KCND2: variants seen among roughly 807,000 people sequenced by gnomAD.
KCND2 encodes the protein A-type voltage-gated potassium channel KCND2.
Under a neutral mutation model 54.4 loss-of-function variants are expected in KCND2, and 16 were observed. The ratio of observed to expected loss-of-function variants is 0.29; its 90% CI spans 0.20 to 0.45. The LOEUF (loss-of-function observed/expected upper bound fraction) is 0.45, where lower values mean the gene tolerates loss of function less well. Ranked by LOEUF, KCND2 falls within the 20% of genes least tolerant of loss-of-function variation. The probability of loss-of-function intolerance (pLI) is 1.00; values close to 1 mark genes in which losing one functional copy is unlikely to be tolerated. For synonymous variants in KCND2, 317 were observed against 310.7 expected (o/e 1.02, Z -0.21); for missense variants, 486 against 824.2 (o/e 0.59, Z 5.02).
chr7:120,660,068 T>C (rs1426836990), intron 1 of KCND2, among the ~76,000 whole-genome samples: 1 of 152,202 alleles, frequency 6.6e-6, no homozygotes. Context: ...ATGGTTAATA[T>C]ATTTGTTACA....
intron 1 of KCND2, among the ~76,000 whole-genome samples, chr7:120,404,195 G>T (rs1213121225): frequency 6.6e-6 from 1 of 152,104 alleles, no homozygotes; most frequent in African/African-American, 2.4e-5. Context: ...CTGTCAGCCA[G>T]GAATGAGTCA....
intron 1 of KCND2, among the ~76,000 whole-genome samples, chr7:120,626,044 A>G (rs1340654898): frequency 6.6e-6 from 1 of 152,134 alleles, no homozygotes; most frequent in African/African-American, 2.4e-5. Flanking sequence ...TTATTCTAAG[A>G]ACATTTATAC....
At chr7:120,465,621 A>G (rs145178919) in intron 1 of KCND2, among the ~76,000 whole-genome samples, 3 of 152,276 alleles carry the variant, frequency 2.0e-5, no homozygotes, top group South Asian at 2.1e-4. Flanking sequence ...GCATGTGTTC[A>G]GTTTGAGGTG....
chr7:120,345,278 C>T (rs949253670), intron 1 of KCND2, among the ~76,000 whole-genome samples: 1 of 152,062 alleles, frequency 6.6e-6, no homozygotes, highest in Admixed American at 6.6e-5. Context: ...CCTTCAACTC[C>T]GTTTGAATGT....
chr7:120,643,340 T>C (rs555578929), intron 1 of KCND2, among the ~76,000 whole-genome samples: 37 of 152,318 alleles, frequency 2.4e-4, no homozygotes, highest in African/African-American at 8.9e-4. Context: ...ATATTCTAAT[T>C]TGTGAAGTTA....
chr7:120,641,873 A>C (rs976996659), intron 1 of KCND2, among the ~76,000 whole-genome samples: 3 of 152,002 alleles, frequency 2.0e-5, no homozygotes, highest in Non-Finnish European at 2.9e-5. Flanking sequence ...AAAAAGAAGA[A>C]AAGCACAGCG....
At chr7:120,418,795 G>A (rs73722601) in intron 1 of KCND2, among the ~76,000 whole-genome samples, 3,139 of 152,154 alleles carry the variant, frequency 0.021, 118 homozygotes, top group African/African-American at 0.071. Flanking sequence ...GCCCTCATCC[G>A]TACCCCACTC....
chr7:120,547,145 C>T (rs1792051153), intron 1 of KCND2, among the ~76,000 whole-genome samples: 1 of 151,574 alleles, frequency 6.6e-6, no homozygotes, highest in South Asian at 2.1e-4. Context: ...TACCTGATTG[C>T]TCTGTAATTG....
At chr7:120,669,680 G>A (rs941991633) in intron 1 of KCND2, among the ~76,000 whole-genome samples, 4 of 152,086 alleles carry the variant, frequency 2.6e-5, no homozygotes, top group Non-Finnish European at 5.9e-5. Context: ...AACTGCCTGA[G>A]GCAATGTCAT....
intron 1 of KCND2, among the ~76,000 whole-genome samples, chr7:120,430,230 T>A (rs185249532): frequency 4.0e-4 from 61 of 152,320 alleles, no homozygotes; most frequent in Non-Finnish European, 5.6e-4. Flanking sequence ...GACTTCTCCC[T>A]GTGTCCTCAC....
intron 1 of KCND2, among the ~76,000 whole-genome samples, chr7:120,311,376 C>T (rs1799733745): frequency 6.6e-6 from 1 of 152,120 alleles, no homozygotes; most frequent in Admixed American, 6.6e-5. Context: ...TTTGCCAACA[C>T]TTTTCATTAC....
At chr7:120,362,853 A>G (rs1009901155) in intron 1 of KCND2, among the ~76,000 whole-genome samples, 1 of 152,022 alleles carries the variant, frequency 6.6e-6, no homozygotes, top group Non-Finnish European at 1.5e-5. Context: ...TCCGTTGACC[A>G]CCTCTATAGG....
At chr7:120,418,638 C>G (rs769404614) in intron 1 of KCND2, among the ~76,000 whole-genome samples, 2 of 152,056 alleles carry the variant, frequency 1.3e-5, no homozygotes, top group African/African-American at 4.8e-5. Context: ...TTTATTAGTT[C>G]CCAGGTGGTG....
intron 1 of KCND2, among the ~76,000 whole-genome samples, chr7:120,678,043 A>T (rs1027932017): frequency 1.3e-5 from 2 of 151,962 alleles, no homozygotes; most frequent in African/African-American, 4.8e-5. Context: ...AGTGGAATAG[A>T]TGGCTTTTAT....
chr7:120,282,009 C>T (rs1008098281), intron 1 of KCND2, among the ~76,000 whole-genome samples: 6 of 152,140 alleles, frequency 3.9e-5, no homozygotes, highest in Non-Finnish European at 7.4e-5. Flanking sequence ...TAACTAACTA[C>T]TCTGCAAAGG....
chr7:120,651,148 G>C (rs1406709588), intron 1 of KCND2, among the ~76,000 whole-genome samples: 3 of 143,406 alleles, frequency 2.1e-5, no homozygotes, highest in Admixed American at 2.0e-4. Context: ...AAAGCTGTCA[G>C]ACAGGGACAT....
chr7:120,382,871 G>A (rs1419905801), intron 1 of KCND2, among the ~76,000 whole-genome samples: 1 of 151,758 alleles, frequency 6.6e-6, no homozygotes, highest in Non-Finnish European at 1.5e-5. Flanking sequence ...TATGTATTAT[G>A]TTACTCACAA....
chr7:120,708,555 A>G (rs1251653298), intron 1 of KCND2, among the ~76,000 whole-genome samples: 2 of 152,150 alleles, frequency 1.3e-5, no homozygotes, highest in Non-Finnish European at 2.9e-5. Flanking sequence ...AAAATGTATT[A>G]TGTATTCACT....
At chr7:120,742,837 C>T (rs1368077693) in intron 4 of KCND2, among the ~76,000 whole-genome samples, 1 of 152,146 alleles carries the variant, frequency 6.6e-6, no homozygotes, top group African/African-American at 2.4e-5. Flanking sequence ...TAGCTGCTGT[C>T]TTAACTCTAG....
Sources: gnomAD v4.1 joint callset for allele counts (sites outside exome capture counted in the v4.1 genomes callset) on GRCh38, gnomAD v4.1.1 for gene constraint, MANE v1.5 for transcripts, NCBI Gene and HGNC (gene_info 2026-07-23, HGNC 2026-07-21) for gene names.